The following NAXD variants were observed in gnomAD, a reference collection of about 807,000 sequenced individuals.
NAXD encodes the protein NAD(P)HX dehydratase.
A neutral mutation model predicts 35.8 loss-of-function variants in NAXD; 22 were observed. The observed-to-expected ratio is 0.62, with a 90% CI of 0.44 to 0.88. NAXD has a LOEUF of 0.88. Among genes scored for constraint, NAXD ranks in the 40% least tolerant of loss-of-function variants. The probability of loss-of-function intolerance (pLI) is 0.00; values close to 1 mark genes in which losing one functional copy is unlikely to be tolerated. For missense variants in NAXD, 428 were observed against 437.7 expected, an observed-to-expected ratio of 0.98 and a Z score of 0.20; for synonymous variants, 189 against 177.6, an observed-to-expected ratio of 1.06 and a Z score of -0.51.
At chr13:110,619,774 AAGAC>A (rs796447280) in intron 1 of NAXD, among the ~76,000 whole-genome samples, 15 of 152,218 alleles carry the variant, frequency 9.9e-5, no homozygotes, top group African/African-American at 3.1e-4. Context: ...CCCCACGACA[AAGAC>A]AGGATGCTGA....
rs1886532731 is a variant in NAXD, at chr13:110,627,480, C to T, written c.374C>T (p.Pro125Leu). 2 of 1,613,952 alleles carry T rather than the reference C, an allele frequency of 1.2e-6. No individual in the cohort carries two copies. Among genetic ancestry groups the T allele is most frequent in the South Asian group, 1.1e-5 (1 of 91,080 alleles). ...NAVHEVEKWLPRLHALVVGPG... is the reference protein window; with the variant it reads ...NAVHEVEKWLLRLHALVVGPG... ...GTTCATGAGGTGGAGAAGTGGCTGC[C>T]CCGGCTGCATGCTCTTGTCGTAGGA... Residue 125 changes from proline to leucine, a missense_variant, in exon 5 of 10, where the codon CCC becomes CTC. This residue lies in a region of NAXD where 208 missense variants were observed against 193.0 expected (regional missense o/e 1.08). Transcript: ENST00000680254.
intron 8 of NAXD, 80 bp from the exon 9 acceptor site, chr13:110,637,049 C>A: frequency 6.7e-7 from 1 of 1,481,786 alleles, no homozygotes; most frequent in Non-Finnish European, 9.0e-7. Flanking sequence ...GCCTGCCGTG[C>A]GGCCTTCCAC....
At position 110,624,149 on chromosome 13, in the gene NAXD, TA is replaced by T. The variant is rs1886370631; in HGVS notation, c.198-84del. The T allele has an allele frequency of 8.8e-6, 7 of 791,176 alleles. No individual in the cohort carries two copies. The Middle Eastern group carries it at 9.8e-4, about 111-fold the overall frequency. 49.0% of individuals were successfully genotyped at this position (791,176 alleles called of 1,614,324 possible). On this transcript the variant is annotated intron_variant, in intron 2 of 9. Transcript: ENST00000680254. ...AAACCATGTCTATATTATTTATGTC[TA>T]TTTTTTATTGATAACCTATTTATTG...
chr13:110,624,880 C>G (rs571309853), intron 3 of NAXD, among the ~76,000 whole-genome samples: 75 of 152,374 alleles, frequency 4.9e-4, no homozygotes, highest in African/African-American at 1.8e-3. Context: ...TTCCCATGAG[C>G]TGAGCAAGTG....
rs142991659 is a variant in NAXD, at chr13:110,635,273, G to A, written c.598-195G>A. On this transcript the variant is annotated intron_variant, in intron 7 of 9. Transcript: ENST00000680254. ...GAGGATGGGCACTGGAGCAGGCACCGTGTCAGCACCTGCTCGGAGGACTCA... is the reference window on the plus strand; with the variant it reads ...GAGGATGGGCACTGGAGCAGGCACCATGTCAGCACCTGCTCGGAGGACTCA... Among the ~76,000 whole-genome samples, 515 of 152,300 alleles carry A rather than the reference G, an allele frequency of 3.4e-3. 3 individuals carry two copies. The highest frequency in any genetic ancestry group is 0.012 in the African/African-American group (493 of 41,558).
Position 110,618,898 on chromosome 13 carries a change from G to T in NAXD, c.46+3251G>T, listed in dbSNP as rs189073167. On this transcript the variant is annotated intron_variant, in intron 1 of 9. Coordinates refer to ENST00000680254, the MANE Select transcript of NAXD (RefSeq NM_001242882.2). ...GGGAGGACTTTCAGCAGAGTGTGACGCAGAAGGGAAGCTTTTCCGCTCTGG... is the reference window on the plus strand; with the variant it reads ...GGGAGGACTTTCAGCAGAGTGTGACTCAGAAGGGAAGCTTTTCCGCTCTGG... Among the ~76,000 whole-genome samples, 82 of 152,338 alleles carry T rather than the reference G, an allele frequency of 5.4e-4. 1 individual carries two copies. The East Asian group carries it at 0.014, about 27-fold the overall frequency.
intron 5 of NAXD, among the ~76,000 whole-genome samples, chr13:110,632,594 C>G (rs55794132): frequency 0.22 from 32,933 of 151,800 alleles, 4,314 homozygotes; most frequent in African/African-American, 0.37. Flanking sequence ...TACAGAGTTT[C>G]GACACACAGG....
chr13:110,627,945 C>T (rs899951819), intron 5 of NAXD, among the ~76,000 whole-genome samples: 6 of 152,194 alleles, frequency 3.9e-5, no homozygotes, highest in African/African-American at 9.7e-5. Flanking sequence ...CCGTTGTTCC[C>T]ACACAGCCCT....
At position 110,628,128 on chromosome 13, in the gene NAXD, T is replaced by A. The variant is rs943282503; in HGVS notation, c.441+581T>A. 6.6e-6 allele frequency among the ~76,000 whole-genome samples: 1 copy of A among 152,212 alleles called. No homozygotes were observed. Among genetic ancestry groups the A allele is most frequent in the Non-Finnish European group, 1.5e-5 (1 of 68,032 alleles). ...TATTCTGATCACTTTGTGCCTGCTGTAAATAAATACCACCTGGGATCAGGG... is the reference window on the plus strand; with the variant it reads ...TATTCTGATCACTTTGTGCCTGCTGAAAATAAATACCACCTGGGATCAGGG... On this transcript the variant is annotated intron_variant, in intron 5 of 9. Coordinates refer to ENST00000680254, the MANE Select transcript of NAXD (RefSeq NM_001242882.2). The surrounding 1 kb of genome is among the most constrained non-coding windows in gnomAD (Gnocchi z 4.1).
chr13:110,619,698 A>G (rs1466463381), intron 1 of NAXD, among the ~76,000 whole-genome samples: 3 of 152,164 alleles, frequency 2.0e-5, no homozygotes, highest in Non-Finnish European at 2.9e-5. Context: ...GGGTGCGTGT[A>G]CATGCACTGC....
intron 1 of NAXD, among the ~76,000 whole-genome samples, chr13:110,621,885 C>G (rs1451738513): frequency 6.6e-6 from 1 of 151,852 alleles, no homozygotes; most frequent in Non-Finnish European, 1.5e-5. Flanking sequence ...CAAAAATTAG[C>G]CAGGTGTGGT....
chr13:110,637,273 C>G (rs750925994), intron 9 of NAXD, 24 bp downstream of exon 9: 4 of 1,613,346 alleles, frequency 2.5e-6, no homozygotes, highest in Non-Finnish European at 8.5e-7. Context: ...TTCATTTATT[C>G]TACTTTGAAA....
At position 110,635,605 on chromosome 13, in the gene NAXD, C is replaced by A. The variant is rs748419598; in HGVS notation, c.718+17C>A. ...GCCAGCAGGGTGAGTGGCGGCTGCC[C>A]TCTGTGCATGGGCCAGTGCCAGGTC... On this transcript the variant is annotated intron_variant, in intron 8 of 9. Coordinates refer to ENST00000680254, the MANE Select transcript of NAXD (RefSeq NM_001242882.2). 6.2e-7 allele frequency: 1 copy of A among 1,613,094 alleles called. No homozygotes were observed. The highest frequency in any genetic ancestry group is 8.5e-7 in the Non-Finnish European group (1 of 1,179,738).
chr13:110,618,415 G>A (rs330546), intron 1 of NAXD, among the ~76,000 whole-genome samples: 36,729 of 152,082 alleles, frequency 0.24, 5,887 homozygotes, highest in African/African-American at 0.46. Context: ...TCAAGTTGCT[G>A]TGAAGGTGGT....
In NAXD at chr13:110,638,371, T is replaced by C; in HGVS notation, c.840-7T>C. ...CCCCACACCTCCTGCTGTCCCCCTCTCCGCAGGTCCAGCCCTCTCCTGGTG... is the reference window on the plus strand; with the variant it reads ...CCCCACACCTCCTGCTGTCCCCCTCCCCGCAGGTCCAGCCCTCTCCTGGTG... On this transcript the variant is annotated splice_polypyrimidine_tract_variant and splice_region_variant and intron_variant, in intron 9 of 9. Coordinates refer to ENST00000680254, the MANE Select transcript of NAXD (RefSeq NM_001242882.2). The surrounding 1 kb of genome is among the most constrained non-coding windows in gnomAD (Gnocchi z 5.4). 6.2e-7 allele frequency: 1 copy of C among 1,613,722 alleles called. No homozygotes were observed. Among genetic ancestry groups the C allele is most frequent in the Non-Finnish European group, 8.5e-7 (1 of 1,179,982 alleles).
In NAXD at chr13:110,615,546, A is replaced by G. The variant is rs752555048; in HGVS notation, c.-56A>G. ...GTCGGGAAACCGGAAAACGCTTCCA[A>G]TGGCTGTGTTTCCGGCGACGGCGCG... On this transcript the variant is annotated 5_prime_UTR_variant, in exon 1 of 10. The change abolishes an upstream ATG in the 5' untranslated region. Coordinates refer to ENST00000680254, the MANE Select transcript of NAXD (RefSeq NM_001242882.2). 2.5e-5 allele frequency: 34 copies of G among 1,335,404 alleles called. No individual in the cohort carries two copies. The highest frequency in any genetic ancestry group is 1.5e-4 in the South Asian group (8 of 54,702). The allele number at this position is 1,335,404 out of a possible 1,614,324, so 82.7% of individuals were successfully genotyped here. A position where few individuals can be genotyped will look rare whatever the true frequency, so the allele number is the denominator to read the frequency against.
chr13:110,632,755 GA>G (rs201756682), intron 5 of NAXD, among the ~76,000 whole-genome samples: 6,987 of 150,572 alleles, frequency 0.046, 351 homozygotes, highest in African/African-American at 0.13. Context: ...CCCTGACCTA[GA>G]CATAAAGGTT....
chr13:110,623,878 T>C (rs1886358315), intron 2 of NAXD, among the ~76,000 whole-genome samples: 1 of 152,050 alleles, frequency 6.6e-6, no homozygotes, highest in African/African-American at 2.4e-5. Context: ...GGCGCATGCC[T>C]GTAATCCCAG....
intron 5 of NAXD, among the ~76,000 whole-genome samples, chr13:110,631,299 T>G (rs2139645801): frequency 1.3e-5 from 2 of 152,356 alleles, no homozygotes; most frequent in East Asian, 3.9e-4. Context: ...TACAGTGTAT[T>G]TAGTTCATTT....
Sources: allele counts gnomAD v4.1 joint callset (sites outside exome capture counted in the v4.1 genomes callset), GRCh38; gene constraint gnomAD v4.1.1; regional missense constraint gnomAD v4.1.1; non-coding constraint Gnocchi (gnomAD v3.1); transcripts MANE v1.5; gene names NCBI Gene and HGNC (gene_info 2026-07-23, HGNC 2026-07-21).